SZRD1: variants seen among roughly 807,000 people sequenced by gnomAD.
SZRD1 encodes the protein SUZ RNA binding domain containing 1.
In SZRD1, 7 loss-of-function variants were observed where a neutral mutation model predicts 17.6. The ratio of observed to expected loss-of-function variants is 0.40; its 90% CI spans 0.23 to 0.75. SZRD1 has a LOEUF of 0.75. SZRD1 is among the 30% of genes least tolerant of loss of function. SZRD1 has a pLI of 0.38. For synonymous variants in SZRD1, 77 were observed against 77.9 expected, an observed-to-expected ratio of 0.99 and a Z score of 0.06; for missense variants, 178 against 201.8, an observed-to-expected ratio of 0.88 and a Z score of 0.71.
chr1:16,388,772 C>G (rs1313097003), intron 1 of SZRD1, among the ~76,000 whole-genome samples: 1 of 147,932 alleles, frequency 6.8e-6, no homozygotes. Context: ...TGCAGCCTCC[C>G]TAGTAGCTGG....
At chr1:16,389,278 G>GC (rs886511465) in intron 1 of SZRD1, among the ~76,000 whole-genome samples, 4 of 121,320 alleles carry the variant, frequency 3.3e-5, no homozygotes, top group African/African-American at 1.5e-4. Flanking sequence ...AGGGGGGGTG[G>GC]GGGGGGGGCA....
In SZRD1 at chr1:16,393,459, G is replaced by A. The variant is rs1459294536; in HGVS notation, c.333G>A (p.Glu111=). The A allele has an allele frequency of 6.2e-7, 1 of 1,613,180 alleles. No individual in the cohort carries two copies. ...TGGGCAGCGCCAGCCCCGAGGAGGA[G>A]CAGGAGAAACCCATCCTCGACAGGT... ...RILGSASPEE[E]QEKPILDRPT... The change falls in exon 3 of 4, where the codon GAG becomes GAA. Residue 111 remains glutamate, a synonymous_variant. Coordinates refer to ENST00000401088, the MANE Select transcript of SZRD1 (RefSeq NM_001114600.3). The surrounding 1 kb of genome is among the most constrained non-coding windows in gnomAD (Gnocchi z 5.6).
intron 1 of SZRD1, among the ~76,000 whole-genome samples, chr1:16,382,796 G>A (rs945794217): frequency 1.3e-5 from 2 of 151,600 alleles, no homozygotes; most frequent in African/African-American, 2.4e-5. Context: ...GTGCCGAGTC[G>A]GGACCCATCT....
intron 3 of SZRD1, among the ~76,000 whole-genome samples, chr1:16,394,206 T>G (rs2085266914): frequency 6.6e-6 from 1 of 152,230 alleles, no homozygotes; most frequent in Non-Finnish European, 1.5e-5. Context: ...CTCTTCATAA[T>G]TTTGAAGAGA....
intron 1 of SZRD1, among the ~76,000 whole-genome samples, chr1:16,374,595 G>GAA (rs776794491): frequency 3.7e-4 from 56 of 152,152 alleles, no homozygotes; most frequent in Non-Finnish European, 6.9e-4. Flanking sequence ...GTCCTGCAGA[G>GAA]AAAAGTCACA....
intron 1 of SZRD1, among the ~76,000 whole-genome samples, chr1:16,388,261 A>C (rs74725491): frequency 0.027 from 4,083 of 152,092 alleles, 181 homozygotes; most frequent in African/African-American, 0.091. Context: ...TACCACGCCC[A>C]GCTAATTTTT....
At chr1:16,380,255 G>A (rs924855834) in intron 1 of SZRD1, among the ~76,000 whole-genome samples, 2 of 151,958 alleles carry the variant, frequency 1.3e-5, no homozygotes, top group African/African-American at 4.8e-5. Context: ...CAGGAGGATC[G>A]CTTGAGGGCA....
chr1:16,371,041 G>A, intron 1 of SZRD1, among the ~76,000 whole-genome samples: 1 of 152,158 alleles, frequency 6.6e-6, no homozygotes, highest in South Asian at 2.1e-4. Flanking sequence ...CTGGTAATGA[G>A]CTTTGAATAC....
intron 1 of SZRD1, chr1:16,390,410 C>T (rs2085203149): frequency 6.6e-6 from 1 of 152,296 alleles, no homozygotes; most frequent in Non-Finnish European, 1.5e-5. Context: ...GGAAGGCAGT[C>T]CTGCCTGCTC....
intron 1 of SZRD1, among the ~76,000 whole-genome samples, chr1:16,368,678 A>C (rs1490504451): frequency 6.6e-6 from 1 of 152,178 alleles, no homozygotes; most frequent in Non-Finnish European, 1.5e-5. Flanking sequence ...TGTCTGCTAT[A>C]TGCTAGGCAG....
chr1:16,381,526 C>T (rs2083102594), intron 1 of SZRD1, among the ~76,000 whole-genome samples: 4 of 146,154 alleles, frequency 2.7e-5, no homozygotes, highest in Non-Finnish European at 4.5e-5. Flanking sequence ...CATTGCACTC[C>T]AGCCTGGGCG....
Position 16,391,018 on chromosome 1 carries a change from C to T in SZRD1, c.52-357C>T, listed in dbSNP as rs1418722351. On this transcript the variant is annotated intron_variant, in intron 1 of 3. Coordinates refer to ENST00000401088, the MANE Select transcript of SZRD1 (RefSeq NM_001114600.3). The surrounding 1 kb of genome is among the most constrained non-coding windows in gnomAD (Gnocchi z 4.3). ...TCAGATTTATGTTTAATTTTTTTTC[C>T]AACTCTTTATTTCATAAAATAGAGT... is the stretch of plus-strand genomic sequence containing the variant. Among the ~76,000 whole-genome samples, 1 of 151,994 alleles carries T rather than the reference C, an allele frequency of 6.6e-6. No homozygotes were observed. Among genetic ancestry groups the T allele is most frequent in the Admixed American group, 6.6e-5 (1 of 15,242 alleles).
In SZRD1 at chr1:16,393,189, A is replaced by G; in HGVS notation, c.102-39A>G. ...GGACATGGACAGGGCCTCCTTAGTC[A>G]GGAGCATGATTTGTGAAGCTGTGTT... On this transcript the variant is annotated intron_variant, in intron 2 of 3. Coordinates refer to ENST00000401088, the MANE Select transcript of SZRD1 (RefSeq NM_001114600.3). This position sits in a 1 kb window ranked among gnomAD's most constrained non-coding sequence, Gnocchi z 5.6. 6.2e-7 allele frequency: 1 copy of G among 1,606,286 alleles called. No homozygotes were observed. The highest frequency in any genetic ancestry group is 2.2e-5 in the East Asian group (1 of 44,746).
At chr1:16,386,299 G>GA (rs1204527219) in intron 1 of SZRD1, among the ~76,000 whole-genome samples, 1 of 152,228 alleles carries the variant, frequency 6.6e-6, no homozygotes, top group Non-Finnish European at 1.5e-5. Flanking sequence ...TCTAACACAG[G>GA]AGCCTAGACC....
rs2085253007 is a variant in SZRD1, at chr1:16,393,616, A to G, written c.356+134A>G. ...AGGAACCATGCAGCTCCACTTGCTG[A>G]TCCCAGCCTGCTGGCACTAGTTCAC... On this transcript the variant is annotated intron_variant, in intron 3 of 3. Coordinates refer to ENST00000401088, the MANE Select transcript of SZRD1 (RefSeq NM_001114600.3). This position sits in a 1 kb window ranked among gnomAD's most constrained non-coding sequence, Gnocchi z 5.6. 3.0e-6 allele frequency: 3 copies of G among 1,004,868 alleles called. No homozygotes were observed. In the South Asian group the frequency reaches 5.0e-5, roughly 17 times the overall value. 62.2% of individuals were successfully genotyped at this position (1,004,868 alleles called of 1,614,324 possible).
chr1:16,387,123 A>C (rs1039232918), intron 1 of SZRD1: 6 of 355,342 alleles, frequency 1.7e-5, no homozygotes, highest in African/African-American at 1.1e-4. Context: ...ATATCGATAT[A>C]AGGTATTATT....
At position 16,395,120 on chromosome 1, in the gene SZRD1, G is replaced by C; in HGVS notation, c.439G>C (p.Gly147Arg). ...GCCTTTGGGTCCTGATGGGTCTCAA[G>C]GCTTCAAACAGCGCAGATAAATGCA... ...RQPLGPDGSQ[G>R]FKQRR Residue 147 changes from glycine to arginine, a missense_variant, in exon 4 of 4, where the codon GGC becomes CGC. By Grantham distance (125) the Gly-to-Arg change is moderately radical. Coordinates refer to ENST00000401088, the MANE Select transcript of SZRD1 (RefSeq NM_001114600.3). 6.2e-7 allele frequency: 1 copy of C among 1,613,048 alleles called. No homozygotes were observed. The highest frequency in any genetic ancestry group is 8.5e-7 in the Non-Finnish European group (1 of 1,178,982).
chr1:16,370,549 T>TA (rs55855357), intron 1 of SZRD1, among the ~76,000 whole-genome samples: 2 of 151,236 alleles, frequency 1.3e-5, no homozygotes, highest in Non-Finnish European at 2.9e-5. Context: ...ATTTTTTTTT[T>TA]ATTTTTTGAG....
At chr1:16,369,262 T>A in intron 1 of SZRD1, 1 of 614,650 alleles carries the variant, frequency 1.6e-6, no homozygotes, top group South Asian at 2.2e-5. Flanking sequence ...ATTCTTCATA[T>A]ATGTTTTGGT....
Sources: gnomAD v4.1 joint callset for allele counts (sites outside exome capture counted in the v4.1 genomes callset) on GRCh38, gnomAD v4.1.1 for gene constraint, Gnocchi (gnomAD v3.1) non-coding constraint, MANE v1.5 for transcripts, NCBI Gene and HGNC (gene_info 2026-07-23, HGNC 2026-07-21) for gene names.